Variants in BNC1 observed in about 807,000 individuals in gnomAD.
BNC1 encodes zinc finger protein basonuclin-1.
In BNC1, 8 loss-of-function variants were observed where a neutral mutation model predicts 66.5. The ratio of observed to expected loss-of-function variants is 0.12; its 90% confidence interval spans 0.07 to 0.22. BNC1 has a LOEUF of 0.22. BNC1 is among the 10% of genes least tolerant of loss of function. The pLI is 1.00. For missense variants in BNC1, 1,069 were observed against 1,241.3 expected, an observed-to-expected ratio of 0.86 and a Z score of 2.09; for synonymous variants, 454 against 452.6, an observed-to-expected ratio of 1.00 and a Z score of -0.04.
intron 1 of BNC1, among the ~76,000 whole-genome samples, chr15:83,282,668 A>G (rs563895427): frequency 1.8e-4 from 27 of 152,368 alleles, no homozygotes; most frequent in African/African-American, 6.3e-4. Context: ...AAGACTTAGA[A>G]TCTTATCAAG....
At chr15:83,271,485 T>G (rs1380651230) in intron 1 of BNC1, among the ~76,000 whole-genome samples, 1 of 152,238 alleles carries the variant, frequency 6.6e-6, no homozygotes, top group East Asian at 1.9e-4. Context: ...GAAAAGGTTT[T>G]GCTCTTGTAA....
At position 83,257,512 on chromosome 15, in the gene BNC1, C is replaced by T. The variant is rs755535345; in HGVS notation, c.2915G>A (p.Ser972Asn). The change falls in exon 5 of 5, where the codon AGT becomes AAT. Residue 972 changes from serine (S) to asparagine (N), a missense_variant. Physicochemically the swap from Ser to Asn is conservative, Grantham distance 46. This residue lies in a region of BNC1 where 657 missense variants were observed against 715.8 expected (regional missense o/e 0.92). Coordinates refer to ENST00000345382, the MANE Select transcript of BNC1 (RefSeq NM_001717.4). ...GCNTMFSSVR[S>N]RNRHSQNPNL... ...GGGATTCTGGCTGTGTCTGTTTCGACTGCGAACAGACGAAAACATGGTGTT... is the reference window on the plus strand; with the variant it reads ...GGGATTCTGGCTGTGTCTGTTTCGATTGCGAACAGACGAAAACATGGTGTT... 1.2e-6 allele frequency: 2 copies of T among 1,614,196 alleles called. No homozygotes were observed.
Position 83,263,006 on chromosome 15 carries a change from T to C in BNC1, c.2245A>G (p.Thr749Ala), listed in dbSNP as rs148639899. ...HKNMHVKEMH[T>A]CTVEGCNATF... is the part of the protein sequence containing the mutation. ...GCATTACAGCCCTCCACTGTGCATG[T>C]GTGCATTTCTTTGACATGCATATTC... The change falls in exon 4 of 5, where the codon ACA (threonine) becomes GCA (alanine). Residue 749 changes from threonine (T) to alanine (A), a missense_variant. Physicochemically the swap from Thr to Ala is moderately conservative, Grantham distance 58 (BLOSUM62 0). This residue lies in a region of BNC1 where 657 missense variants were observed against 715.8 expected (regional missense o/e 0.92). Coordinates refer to ENST00000345382, the MANE Select transcript of BNC1 (RefSeq NM_001717.4). 1.6e-5 allele frequency: 26 copies of C among 1,614,088 alleles called. No individual in the cohort carries two copies. Among genetic ancestry groups the C allele is most frequent in the Admixed American group, 3.3e-5 (2 of 60,006 alleles).
chr15:83,273,244 C>T (rs1484744673), intron 1 of BNC1, among the ~76,000 whole-genome samples: 2 of 152,124 alleles, frequency 1.3e-5, no homozygotes, highest in African/African-American at 4.8e-5. Context: ...AAGAAAACTT[C>T]CAATATCAAG....
chr15:83,283,402 T>C, intron 1 of BNC1: 8 of 1,134,366 alleles, frequency 7.1e-6, no homozygotes, highest in South Asian at 2.4e-5. Flanking sequence ...CTCCTCCTTC[T>C]CCGCCCGCGG....
Position 83,264,484 on chromosome 15 carries a change from A to G in BNC1, c.767T>C (p.Leu256Pro). Reference protein sequence around the residue: ...FQFFNPLPPALIGSLPEQYML... With the variant: ...FQFFNPLPPAPIGSLPEQYML... ...ATATTGTTCGGGCAATGACCCTATCAGTGCAGGAGGCAGAGGGTTGAAGAA... is the reference window on the plus strand; with the variant it reads ...ATATTGTTCGGGCAATGACCCTATCGGTGCAGGAGGCAGAGGGTTGAAGAA... Residue 256 changes from leucine to proline, a missense_variant, in exon 4 of 5, where the codon CTG becomes CCG. Leu to Pro is a moderately conservative substitution (Grantham distance 98, BLOSUM62 -3). Transcript: ENST00000345382. 1 of 1,614,154 alleles carries G rather than the reference A, an allele frequency of 6.2e-7. No homozygotes were observed. The highest frequency in any genetic ancestry group is 8.5e-7 in the Non-Finnish European group (1 of 1,180,012).
intron 1 of BNC1, among the ~76,000 whole-genome samples, chr15:83,269,691 G>A (rs527555890): frequency 3.9e-5 from 6 of 152,142 alleles, no homozygotes; most frequent in Admixed American, 2.6e-4. Flanking sequence ...GTTAAACATA[G>A]AGTTACTATA....
rs138845355 is a variant in BNC1 at position 83,263,419 on chromosome 15, C to A, written c.1832G>T (p.Arg611Leu). The A allele has an allele frequency of 2.5e-6, 4 of 1,614,100 alleles. No homozygotes were observed. The highest frequency in any genetic ancestry group is 1.1e-5 in the South Asian group (1 of 91,094). ...PFPEGERPCH[R>L]ESVIESSGAI... The stretch of plus-strand genomic sequence containing the variant: ...TCCACTGGACTCAATTACTGATTCA[C>A]GATGGCAGGGCCTCTCCCCTTCAGG... Residue 611 changes from arginine (R) to leucine (L), a missense_variant, in exon 4 of 5, where the codon CGT becomes CTT. Physicochemically the swap from Arg to Leu is moderately radical, Grantham distance 102. Coordinates refer to ENST00000345382, the MANE Select transcript of BNC1 (RefSeq NM_001717.4).
intron 4 of BNC1, among the ~76,000 whole-genome samples, chr15:83,261,138 T>C (rs2038135721): frequency 6.6e-6 from 1 of 152,194 alleles, no homozygotes; most frequent in Admixed American, 6.5e-5. Context: ...TCAAAGATAA[T>C]ATGACCAACA....
intron 1 of BNC1, among the ~76,000 whole-genome samples, chr15:83,271,747 GA>G (rs551936814): frequency 1.4e-3 from 219 of 151,776 alleles, no homozygotes; most frequent in Middle Eastern, 3.4e-3. Context: ...GGAGGTTAAT[GA>G]AAAAAAATCA....
In BNC1 at chr15:83,263,770, C is replaced by T. The variant is rs1276657794; in HGVS notation, c.1481G>A (p.Ser494Asn). The T allele has an allele frequency of 1.2e-6, 2 of 1,614,002 alleles. No homozygotes were observed. The highest frequency in any genetic ancestry group is 3.3e-5 in the Admixed American group (2 of 59,992). ...TGCTACCTCGGCAGGCGTGGCTGGA[C>T]TGCGGTAGAAAGGAAGGACTGGCTG... ...TVQPVLPFYR[S>N]PATPAEVANT... The change falls in exon 4 of 5, where the codon AGT becomes AAT. Residue 494 changes from serine to asparagine, a missense_variant. By Grantham distance (46) the Ser-to-Asn change is conservative. Transcript: ENST00000345382.
intron 1 of BNC1, among the ~76,000 whole-genome samples, 172 bp downstream of exon 1, chr15:83,284,358 G>A (rs2038420613): frequency 6.6e-6 from 1 of 151,314 alleles, no homozygotes; most frequent in Non-Finnish European, 1.5e-5. Flanking sequence ...CCTCCCGGCC[G>A]GAGACCACGG....
intron 3 of BNC1, among the ~76,000 whole-genome samples, chr15:83,265,894 A>G (rs2038212648): frequency 6.6e-6 from 1 of 152,178 alleles, no homozygotes; most frequent in African/African-American, 2.4e-5. Flanking sequence ...TGTTCATTTT[A>G]ATTACATGGC....
chr15:83,284,578 C>A lies in BNC1; in HGVS notation c.51G>T (p.Arg17=). The A allele has an allele frequency of 9.5e-7, 1 of 1,053,402 alleles. No individual in the cohort carries two copies. The highest frequency in any genetic ancestry group is 4.3e-5 in the South Asian group (1 of 23,192). 65.3% of individuals were successfully genotyped at this position (1,053,402 alleles called of 1,614,324 possible). A position where few individuals can be genotyped will look rare whatever the true frequency, so the allele number is the denominator to read the frequency against. Residue 17 remains arginine, a synonymous_variant, in exon 1 of 5, where the codon CGG becomes CGT. Coordinates refer to ENST00000345382, the MANE Select transcript of BNC1 (RefSeq NM_001717.4). ...GGTGCCGGGGCTGCCGGCGCGTCTC[C>A]CGGGCCCGGGCCGCCCCGCGTCCGC... is the stretch of plus-strand genomic sequence containing the variant. The part of the protein sequence containing the change: ...SRGGRGAARA[R]ETRRQPRHRS...
At chr15:83,281,042 G>A (rs1349879593) in intron 1 of BNC1, among the ~76,000 whole-genome samples, 1 of 151,962 alleles carries the variant, frequency 6.6e-6, no homozygotes. Flanking sequence ...CAGTCTGTTT[G>A]CCGATAACTA....
Position 83,263,173 on chromosome 15 carries a change from G to A in BNC1, c.2078C>T (p.Ala693Val), listed in dbSNP as rs146647716. ...TTTAGAATCTTCAAGACAAGGAAAA[G>A]CCATTCCCCTGTTGGACAAAGCACT... ...LFSALSNRGM[A>V]FPCLEDSKEL... The change falls in exon 4 of 5, where the codon GCT (alanine) becomes GTT (valine). Residue 693 changes from alanine to valine, a missense_variant. Physicochemically the swap from Ala to Val is moderately conservative, Grantham distance 64. Transcript: ENST00000345382. 102 of 1,614,064 alleles carry A rather than the reference G, an allele frequency of 6.3e-5. No individual in the cohort carries two copies. Among genetic ancestry groups the A allele is most frequent in the Non-Finnish European group, 8.6e-5 (102 of 1,180,046 alleles).
At chr15:83,269,329 A>G (rs925914426) in intron 1 of BNC1, among the ~76,000 whole-genome samples, 6 of 152,202 alleles carry the variant, frequency 3.9e-5, no homozygotes, top group Admixed American at 3.9e-4. Context: ...CTATTATTAA[A>G]CAGAAAAAGC....
At chr15:83,258,834 T>A (rs1324573674) in intron 4 of BNC1, among the ~76,000 whole-genome samples, 1 of 152,232 alleles carries the variant, frequency 6.6e-6, no homozygotes, top group Non-Finnish European at 1.5e-5. Flanking sequence ...TATACTGAAG[T>A]TAAATGTTAT....
intron 4 of BNC1, among the ~76,000 whole-genome samples, chr15:83,260,194 C>T (rs2038125319): frequency 6.6e-6 from 1 of 152,136 alleles, no homozygotes. Context: ...AATTTTGCAA[C>T]AGAGCATATG....
Sources: gnomAD v4.1 joint callset for allele counts (sites outside exome capture counted in the v4.1 genomes callset) on GRCh38, gnomAD v4.1.1 for gene constraint, gnomAD v4.1.1 regional missense constraint, MANE v1.5 for transcripts, NCBI Gene and HGNC (gene_info 2026-07-23, HGNC 2026-07-21) for gene names.